Variants in MCF2 observed in about 807,000 individuals in gnomAD.
MCF2 encodes the protein proto-oncogene DBL.
In MCF2, 44 loss-of-function variants were observed where a neutral mutation model predicts 82.5. The observed-to-expected ratio is 0.53, with a 90% confidence interval of 0.42 to 0.69. The LOEUF (loss-of-function observed/expected upper bound fraction) is 0.69. Ranked by LOEUF, MCF2 falls within the 30% of genes least tolerant of loss-of-function variation. The pLI, the probability that MCF2 is intolerant of heterozygous loss-of-function variation, is 0.00. For missense variants in MCF2, 623 were observed against 663.1 expected (o/e 0.94, Z 0.66); for synonymous variants, 217 against 224.9 (o/e 0.96, Z 0.32).
chrX:139,615,029 G>T, exon 10 of MCF2: 1 of 1,206,610 alleles, frequency 8.3e-7, no homozygotes, highest in Admixed American at 2.2e-5. Context: ...TTTCAAGCTT[G>T]AGTTGTATAG....
At chrX:139,634,017 C>G (rs185775017) in intron 1 of MCF2, among the ~76,000 whole-genome samples, 27 of 111,191 alleles carry the variant, frequency 2.4e-4, no homozygotes, top group African/African-American at 7.8e-4. Context: ...ACAAGAGAAA[C>G]AGGTTTTAAG....
At chrX:139,620,033 A>G (rs944571571) in intron 6 of MCF2, among the ~76,000 whole-genome samples, 3 of 99,750 alleles carry the variant, frequency 3.0e-5, no homozygotes, top group Non-Finnish European at 6.4e-5. Context: ...GTGTGTATAT[A>G]TATATAGCAA....
intron 4 of MCF2, among the ~76,000 whole-genome samples, chrX:139,628,125 G>A (rs1156633088): frequency 1.8e-5 from 2 of 111,707 alleles, no homozygotes; most frequent in Non-Finnish European, 3.8e-5. Context: ...CCATTACTGG[G>A]TTTATACCCA....
At chrX:139,666,115 A>G in intron 1 of MCF2, among the ~76,000 whole-genome samples, 1 of 108,298 alleles carries the variant, frequency 9.2e-6, no homozygotes, top group Non-Finnish European at 1.9e-5. Context: ...TAATCCAATT[A>G]CATTCTTTAA....
At chrX:139,603,300 G>A (rs1203024693) in intron 15 of MCF2, among the ~76,000 whole-genome samples, 1 of 112,332 alleles carries the variant, frequency 8.9e-6, no homozygotes. Flanking sequence ...TGGTTGCTAA[G>A]AACGCTGCTA....
chrX:139,641,711 A>G (rs1440041374), intron 1 of MCF2, among the ~76,000 whole-genome samples: 2 of 111,551 alleles, frequency 1.8e-5, no homozygotes, highest in Admixed American at 1.9e-4. Flanking sequence ...GTTTTTTATT[A>G]AATTAGCTAG....
intron 1 of MCF2, chrX:139,691,964 C>A (rs1255928205): frequency 8.6e-7 from 1 of 1,166,743 alleles, no homozygotes; most frequent in East Asian, 3.3e-5. Context: ...TCCCGTACTT[C>A]TCGGCAATCC....
At chrX:139,587,858 TTCTC>T (rs1193243461) in intron 21 of MCF2, 70 bp from the exon 26 acceptor site, 3 of 599,404 alleles carry the variant, frequency 5.0e-6, no homozygotes, top group East Asian at 3.4e-5. Context: ...GCCAATGACT[TTCTC>T]TCTCTCACAC....
At chrX:139,693,156 T>G (rs761308997) in intron 1 of MCF2, among the ~76,000 whole-genome samples, 1 of 111,170 alleles carries the variant, frequency 9.0e-6, no homozygotes, top group East Asian at 2.8e-4. Flanking sequence ...ATGCAGGACC[T>G]GAGGGAGCCC....
intron 1 of MCF2, among the ~76,000 whole-genome samples, chrX:139,686,653 C>T (rs1481678593): frequency 1.8e-5 from 2 of 111,809 alleles, no homozygotes; most frequent in African/African-American, 6.5e-5. Flanking sequence ...TTGCTAAAGC[C>T]AAAAATGTTA....
intron 1 of MCF2, 110 bp from the exon 5 acceptor site, chrX:139,632,564 A>C: frequency 1.8e-6 from 1 of 551,965 alleles, no homozygotes; most frequent in Non-Finnish European, 2.8e-6. Context: ...AAATTCATAA[A>C]AGCCAGTAAA....
At chrX:139,606,016 C>CATATATAT (rs71534302) in intron 12 of MCF2, among the ~76,000 whole-genome samples, 32 of 96,763 alleles carry the variant, frequency 3.3e-4, no homozygotes, top group Non-Finnish European at 4.7e-4. Context: ...ATATATATAA[C>CATATATAT]ATATATATAT....
chrX:139,670,991 T>C (rs1934670614), intron 1 of MCF2, among the ~76,000 whole-genome samples: 1 of 111,797 alleles, frequency 8.9e-6, no homozygotes, highest in Non-Finnish European at 1.9e-5. Flanking sequence ...CCTGACTTTT[T>C]AATGATCGCC....
chrX:139,589,112 T>C (rs1035944965), intron 20 of MCF2, among the ~76,000 whole-genome samples: 2 of 111,661 alleles, frequency 1.8e-5, no homozygotes, highest in Non-Finnish European at 3.8e-5. Context: ...AGGCCATCTA[T>C]TGCAGAATAA....
chrX:139,587,431 A>G (rs1929070544), intron 22 of MCF2, among the ~76,000 whole-genome samples: 1 of 111,703 alleles, frequency 9.0e-6, no homozygotes, highest in African/African-American at 3.3e-5. Flanking sequence ...AAAGCTTATG[A>G]GCACAGCCTC....
chrX:139,588,376 C>T lies in MCF2; in HGVS notation c.2433G>A (p.Gln811=). 3.3e-6 allele frequency: 4 copies of T among 1,206,855 alleles called. No homozygotes were observed. In the South Asian group the frequency reaches 7.1e-5, roughly 21 times the overall value. ...TGAATTTACCTGTCAAAAGTTCCTG[C>T]TGCTTCAACAAAATATTTCTTATTT... is the stretch of plus-strand genomic sequence containing the variant. Residue 811 remains glutamine (Q), a synonymous_variant, in exon 21 of 25, where the codon CAG becomes CAA. Transcript: ENST00000370576.
chrX:139,624,681 A>C, intron 6 of MCF2, among the ~76,000 whole-genome samples: 1 of 111,894 alleles, frequency 8.9e-6, no homozygotes, highest in South Asian at 3.7e-4. Flanking sequence ...ATTCTGAAGG[A>C]AAAATAAATG....
chrX:139,659,710 T>C (rs897032713), intron 1 of MCF2, among the ~76,000 whole-genome samples: 4 of 111,822 alleles, frequency 3.6e-5, no homozygotes, highest in Non-Finnish European at 7.5e-5. Context: ...TACTCTCACA[T>C]GGTTTCCTAA....
At chrX:139,646,858 T>C (rs2148520537), upstream of MCF2, 2 of 1,191,378 alleles carry the variant, frequency 1.7e-6, no homozygotes, top group East Asian at 6.0e-5. Flanking sequence ...AAAATTACAG[T>C]TTTCTGGAAA....
Sources: gnomAD v4.1 joint callset for allele counts (sites outside exome capture counted in the v4.1 genomes callset) on GRCh38, gnomAD v4.1.1 for gene constraint, MANE v1.5 for transcripts, NCBI Gene and HGNC (gene_info 2026-07-23, HGNC 2026-07-21) for gene names.